The following TMEM132C variants were observed in gnomAD, a reference collection of about 807,000 sequenced individuals.
TMEM132C encodes the protein transmembrane protein 132C.
In TMEM132C, 29 loss-of-function variants were observed where a neutral mutation model predicts 61.4. The ratio of observed to expected loss-of-function variants is 0.47; its 90% confidence interval spans 0.35 to 0.64. TMEM132C has a LOEUF of 0.64. TMEM132C is among the 30% of genes least tolerant of loss of function. The pLI, the probability that TMEM132C is intolerant of heterozygous loss-of-function variation, is 0.00. For synonymous variants in TMEM132C, 656 were observed against 633.1 expected (o/e 1.04, Z -0.54); for missense variants, 1,408 against 1,476.9 (o/e 0.95, Z 0.76).
chr12:128,491,271 C>T (rs1436242542), intron 2 of TMEM132C, among the ~76,000 whole-genome samples: 3 of 152,204 alleles, frequency 2.0e-5, no homozygotes, highest in Non-Finnish European at 4.4e-5. Context: ...CCTGGAGCCT[C>T]CATTTTTCTT....
At chr12:128,592,304 G>T (rs1231841984) in intron 3 of TMEM132C, among the ~76,000 whole-genome samples, 1 of 152,158 alleles carries the variant, frequency 6.6e-6, no homozygotes, top group Admixed American at 6.6e-5. Flanking sequence ...CCTACTCACT[G>T]GCACTCTTGG....
intron 2 of TMEM132C, among the ~76,000 whole-genome samples, chr12:128,527,026 C>T (rs1020016463): frequency 6.6e-6 from 1 of 152,206 alleles, no homozygotes; most frequent in African/African-American, 2.4e-5. Context: ...ATCCATGCAC[C>T]TCACTGCCTG....
chr12:128,544,014 G>T lies in TMEM132C; in HGVS notation c.1032G>T (p.Gln344His), dbSNP rs1020070302. ...ILSAQTREPRQWGVKQEVGSG... is the reference protein window; with the variant it reads ...ILSAQTREPRHWGVKQEVGSG... ...GTGCTCAGACCCGTGAGCCCCGGCA[G>T]TGGGGCGTCAAGCAGGAGGTGGGCA... The change falls in exon 3 of 9, where the codon CAG becomes CAT. Residue 344 changes from glutamine (Q) to histidine (H), a missense_variant. Gln to His is a conservative substitution (Grantham distance 24). Coordinates refer to ENST00000435159, the MANE Select transcript of TMEM132C (RefSeq NM_001136103.3). 2 of 1,549,274 alleles carry T rather than the reference G, an allele frequency of 1.3e-6. No homozygotes were observed. Among genetic ancestry groups the T allele is most frequent in the East Asian group, 4.9e-5 (2 of 40,696 alleles).
At chr12:128,340,326 T>TACTC (rs1378573679) in intron 1 of TMEM132C, among the ~76,000 whole-genome samples, 1 of 152,202 alleles carries the variant, frequency 6.6e-6, no homozygotes, top group East Asian at 1.9e-4. Context: ...TCTGCTTGAA[T>TACTC]ACTCTATCGG....
chr12:128,643,775 T>C (rs1177080511), intron 4 of TMEM132C, among the ~76,000 whole-genome samples: 2 of 152,212 alleles, frequency 1.3e-5, no homozygotes, highest in African/African-American at 2.4e-5. Context: ...TCACTTATTT[T>C]ATTTTTATTT....
intron 2 of TMEM132C, among the ~76,000 whole-genome samples, chr12:128,444,630 G>A (rs927314606): frequency 5.9e-5 from 9 of 152,116 alleles, no homozygotes; most frequent in Admixed American, 1.3e-4. Context: ...TTTTCAAGTC[G>A]GGCCACATTC....
intron 4 of TMEM132C, among the ~76,000 whole-genome samples, chr12:128,665,375 G>A (rs1954449425): frequency 7.6e-6 from 1 of 131,182 alleles, no homozygotes; most frequent in African/African-American, 2.8e-5. Flanking sequence ...AAACACAGGT[G>A]CACACACACA....
At chr12:128,541,428 G>A (rs538426192) in intron 2 of TMEM132C, among the ~76,000 whole-genome samples, 20 of 152,250 alleles carry the variant, frequency 1.3e-4, no homozygotes, top group African/African-American at 4.8e-4. Flanking sequence ...TGAGGGGATG[G>A]GCTGAAAGTC....
At chr12:128,493,994 A>G (rs374533927) in intron 2 of TMEM132C, among the ~76,000 whole-genome samples, 1 of 152,092 alleles carries the variant, frequency 6.6e-6, no homozygotes, top group African/African-American at 2.4e-5. Context: ...GTTTGTCATA[A>G]ATAGCTCTTA....
In TMEM132C at chr12:128,543,435, G is replaced by A. The variant is rs928157321; in HGVS notation, c.975-522G>A. Among the ~76,000 whole-genome samples, 69 of 152,130 alleles carry A rather than the reference G, an allele frequency of 4.5e-4. 1 individual carries two copies. Among genetic ancestry groups the A allele is most frequent in the Non-Finnish European group, 1.0e-4 (7 of 68,008 alleles). ...GAAACTGGGGTATGAACCCAGGACC[G>A]GCTTTCCTAGTAGTATTGACACTGT... On this transcript the variant is annotated intron_variant, in intron 2 of 8. Coordinates refer to ENST00000435159, the MANE Select transcript of TMEM132C (RefSeq NM_001136103.3).
intron 2 of TMEM132C, among the ~76,000 whole-genome samples, chr12:128,511,724 T>C (rs1040223117): frequency 6.6e-5 from 10 of 152,200 alleles, no homozygotes; most frequent in Admixed American, 4.6e-4. Flanking sequence ...AGCTGACCTC[T>C]GTCCCCAGCC....
At chr12:128,665,631 ACACACACACACACC>A (rs2135626011) in intron 4 of TMEM132C, among the ~76,000 whole-genome samples, 1 of 150,650 alleles carries the variant, frequency 6.6e-6, no homozygotes, top group Admixed American at 6.6e-5. Context: ...GCACACACAC[ACACACACACACACC>A]CAGGCACATG....
chr12:128,672,886 T>C (rs1214089640), intron 5 of TMEM132C, among the ~76,000 whole-genome samples: 1 of 152,222 alleles, frequency 6.6e-6, no homozygotes, highest in Non-Finnish European at 1.5e-5. Flanking sequence ...GATTGCACCC[T>C]AGTGTAAACT....
At chr12:128,361,288 G>C (rs1343760457) in intron 1 of TMEM132C, among the ~76,000 whole-genome samples, 4 of 152,134 alleles carry the variant, frequency 2.6e-5, no homozygotes, top group Admixed American at 2.0e-4. Context: ...GAAATTCTTT[G>C]GGGTTTATCA....
At chr12:128,496,024 C>G (rs1593074326) in intron 2 of TMEM132C, among the ~76,000 whole-genome samples, 2 of 151,992 alleles carry the variant, frequency 1.3e-5, no homozygotes, top group Non-Finnish European at 2.9e-5. Context: ...TTAGGACAGG[C>G]CTGGTGGTGA....
At chr12:128,519,903 C>T (rs1019389443) in intron 2 of TMEM132C, among the ~76,000 whole-genome samples, 4 of 152,232 alleles carry the variant, frequency 2.6e-5, no homozygotes, top group Non-Finnish European at 4.4e-5. Context: ...CTCTGCCCCT[C>T]TTTGTTTTCA....
intron 3 of TMEM132C, among the ~76,000 whole-genome samples, chr12:128,551,505 A>C (rs1473335326): frequency 6.6e-6 from 1 of 152,188 alleles, no homozygotes; most frequent in Non-Finnish European, 1.5e-5. Context: ...AGGCAAAGTC[A>C]GCCAACAATT....
intron 8 of TMEM132C, among the ~76,000 whole-genome samples, chr12:128,698,084 G>GC (rs1381348071): frequency 1.3e-5 from 2 of 152,122 alleles, no homozygotes; most frequent in African/African-American, 4.8e-5. Context: ...TACAAGAGAA[G>GC]CCCCCTGTTC....
chr12:128,313,915 G>C (rs562629217), intron 1 of TMEM132C, among the ~76,000 whole-genome samples: 1 of 152,312 alleles, frequency 6.6e-6, no homozygotes, highest in Non-Finnish European at 1.5e-5. Context: ...TCCCCTAAGA[G>C]AGTCTTTGAG....
Sources: gnomAD v4.1 joint callset for allele counts (sites outside exome capture counted in the v4.1 genomes callset) on GRCh38, gnomAD v4.1.1 for gene constraint, MANE v1.5 for transcripts, NCBI Gene and HGNC (gene_info 2026-07-23, HGNC 2026-07-21) for gene names.